The following ELP4 variants were observed in gnomAD, a reference collection of about 807,000 sequenced individuals.
ELP4 encodes the protein elongator complex protein 4.
ELP4 carries 51 observed loss-of-function variants against 48.9 expected under a neutral mutation model. The observed-to-expected ratio is 1.04, with a 90% CI of 0.83 to 1.32. ELP4 has a LOEUF of 1.32. Ranked by LOEUF, ELP4 falls within the 40% of genes most tolerant of loss-of-function variation. The pLI is 0.00. For synonymous variants in ELP4, 210 were observed against 189.2 expected (o/e 1.11, Z -0.90); for missense variants, 519 against 514.6 (o/e 1.01, Z -0.08).
chr11:31,525,917 C>T (rs1431583003), intron 2 of ELP4, among the ~76,000 whole-genome samples: 3 of 152,038 alleles, frequency 2.0e-5, no homozygotes, highest in Admixed American at 6.6e-5. Flanking sequence ...TATAATACTC[C>T]GTATTTTTCT....
intron 9 of ELP4, among the ~76,000 whole-genome samples, chr11:31,742,167 G>A (rs1001105840): frequency 1.3e-5 from 2 of 152,124 alleles, no homozygotes; most frequent in Non-Finnish European, 2.9e-5. Context: ...TGAAATGAAT[G>A]AAATGAAGCG....
At chr11:31,726,861 A>G (rs572887372) in intron 9 of ELP4, among the ~76,000 whole-genome samples, 1 of 152,324 alleles carries the variant, frequency 6.6e-6, no homozygotes, top group South Asian at 2.1e-4. Context: ...GCATGTTAAT[A>G]CTATGTTTTT....
chr11:31,644,975 C>T (rs1159854215), intron 7 of ELP4, among the ~76,000 whole-genome samples: 2 of 151,550 alleles, frequency 1.3e-5, no homozygotes, highest in African/African-American at 4.8e-5. Flanking sequence ...TTCAGATATC[C>T]CTACAACTTT....
chr11:31,711,324 C>A (rs1157909369), intron 9 of ELP4, among the ~76,000 whole-genome samples: 1 of 152,090 alleles, frequency 6.6e-6, no homozygotes, highest in Non-Finnish European at 1.5e-5. Flanking sequence ...GAGCCATAGA[C>A]AAATAAACGT....
intron 3 of ELP4, among the ~76,000 whole-genome samples, chr11:31,574,997 A>G (rs1957250223): frequency 6.6e-6 from 1 of 152,238 alleles, no homozygotes; most frequent in Non-Finnish European, 1.5e-5. Flanking sequence ...TCTCCAAGCT[A>G]AAGAAGGATA....
chr11:31,763,511 T>TA (rs1453482107), intron 9 of ELP4: 1 of 1,611,006 alleles, frequency 6.2e-7, no homozygotes, highest in African/African-American at 1.3e-5. Flanking sequence ...GAAGGTTCTT[T>TA]ACAGCATTCC....
chr11:31,749,942 G>C (rs573862023), intron 9 of ELP4, among the ~76,000 whole-genome samples: 1 of 150,152 alleles, frequency 6.7e-6, no homozygotes, highest in Non-Finnish European at 1.5e-5. Flanking sequence ...TGCAAGCTCC[G>C]CCTCCCAGGT....
chr11:31,523,804 G>A (rs1485636456), intron 2 of ELP4, among the ~76,000 whole-genome samples: 1 of 151,984 alleles, frequency 6.6e-6, no homozygotes, highest in Non-Finnish European at 1.5e-5. Flanking sequence ...CTTAAGTACT[G>A]GAATAGGCTT....
intron 9 of ELP4, among the ~76,000 whole-genome samples, chr11:31,725,044 C>A (rs888191140): frequency 2.6e-5 from 4 of 152,128 alleles, no homozygotes; most frequent in Admixed American, 2.6e-4. Context: ...ATTCGTTGGG[C>A]CAGGGGAAAA....
At chr11:31,678,994 T>C (rs138877495) in intron 9 of ELP4, among the ~76,000 whole-genome samples, 1,557 of 152,334 alleles carry the variant, frequency 0.01, 11 homozygotes, top group Middle Eastern at 0.031. Context: ...ATTATTGTTT[T>C]AGTTTGCAAT....
At chr11:31,727,543 C>A (rs940568839) in intron 9 of ELP4, among the ~76,000 whole-genome samples, 1 of 152,168 alleles carries the variant, frequency 6.6e-6, no homozygotes, top group Non-Finnish European at 1.5e-5. Flanking sequence ...TGTTCGCTTA[C>A]TCTTGGACAT....
chr11:31,575,470 C>T (rs1957259614), intron 3 of ELP4, among the ~76,000 whole-genome samples: 1 of 152,086 alleles, frequency 6.6e-6, no homozygotes, highest in African/African-American at 2.4e-5. Flanking sequence ...AGAAGAGCAA[C>T]TCCAAGACAC....
At chr11:31,781,269 A>AT (rs924618962) in intron 9 of ELP4, among the ~76,000 whole-genome samples, 13 of 151,254 alleles carry the variant, frequency 8.6e-5, no homozygotes, top group African/African-American at 1.2e-4. Flanking sequence ...CTTTATGGTA[A>AT]TTTTTTTTTC....
chr11:31,526,879 G>GA (rs912171538), intron 2 of ELP4, among the ~76,000 whole-genome samples: 13 of 151,774 alleles, frequency 8.6e-5, no homozygotes, highest in African/African-American at 2.7e-4. Context: ...AAAACAAGGG[G>GA]AAAAAAATCT....
chr11:31,773,954 A>G (rs7121536), intron 9 of ELP4, among the ~76,000 whole-genome samples: 44,207 of 152,074 alleles, frequency 0.29, 7,224 homozygotes, highest in Non-Finnish European at 0.37. Context: ...CTGAGGCCAG[A>G]GGATTGCTGA....
intron 9 of ELP4, among the ~76,000 whole-genome samples, chr11:31,756,890 T>G (rs558047471): frequency 6.6e-6 from 1 of 152,326 alleles, no homozygotes; most frequent in African/African-American, 2.4e-5. Context: ...AGCTGTCCAC[T>G]GCGGCATAAA....
At chr11:31,515,178 A>G (rs1182897821) in intron 1 of ELP4, among the ~76,000 whole-genome samples, 2 of 152,244 alleles carry the variant, frequency 1.3e-5, no homozygotes. Context: ...TATCCTTCAC[A>G]GTGACCAAAC....
intron 9 of ELP4, among the ~76,000 whole-genome samples, chr11:31,694,261 G>A (rs1354280723): frequency 1.3e-5 from 2 of 152,136 alleles, no homozygotes; most frequent in African/African-American, 4.8e-5. Flanking sequence ...GAATGGTATT[G>A]CCTAGGTTTT....
intron 4 of ELP4, chr11:31,599,882 C>G (rs1384995419): frequency 6.6e-6 from 1 of 152,128 alleles, no homozygotes; most frequent in African/African-American, 2.4e-5. Context: ...AACCATATCA[C>G]TGGGTTTTCT....
Sources: gnomAD v4.1 joint callset for allele counts (sites outside exome capture counted in the v4.1 genomes callset) on GRCh38, gnomAD v4.1.1 for gene constraint, MANE v1.5 for transcripts, NCBI Gene and HGNC (gene_info 2026-07-23, HGNC 2026-07-21) for gene names.